STX5: variants seen among roughly 807,000 people sequenced by gnomAD.
STX5 encodes the protein syntaxin 5.
A neutral mutation model predicts 42.9 loss-of-function variants in STX5; 15 were observed. That is an observed-to-expected ratio of 0.35 (90% CI 0.23 to 0.54). The LOEUF is 0.54. Ranked by LOEUF, STX5 falls within the 20% of genes least tolerant of loss-of-function variation. The pLI, the probability that STX5 is intolerant of heterozygous loss-of-function variation, is 0.91. For missense variants in STX5, 430 were observed against 455.0 expected, an observed-to-expected ratio of 0.95 and a Z score of 0.50; for synonymous variants, 184 against 173.2, an observed-to-expected ratio of 1.06 and a Z score of -0.49.
rs553186835 is a variant in STX5 at position 62,819,355 on chromosome 11, T to C, written c.908+4811A>G. Among the ~76,000 whole-genome samples, 678 of 137,850 alleles carry C rather than the reference T, an allele frequency of 4.9e-3. 4 individuals carry two copies. The highest frequency in any genetic ancestry group is 0.018 in the African/African-American group (655 of 36,018). 90.4% of individuals were successfully genotyped at this position (137,850 alleles called of 152,430 possible). A position where few individuals can be genotyped will look rare whatever the true frequency, so the allele number is the denominator to read the frequency against. ...GAAATTGTTGTCAGCAGATCTCCAC[T>C]ACAAAAAAAAAACCAAAGGAAGTGC... On this transcript the variant is annotated intron_variant, in intron 10 of 10. Transcript: ENST00000294179.
At chr11:62,812,163 C>T (rs1355704506) in intron 10 of STX5, among the ~76,000 whole-genome samples, 4 of 150,476 alleles carry the variant, frequency 2.7e-5, no homozygotes, top group Non-Finnish European at 5.9e-5. Context: ...CAGCAACCTC[C>T]GCCTCCCGGG....
chr11:62,822,819 AACTG>A (rs758324108), intron 10 of STX5, among the ~76,000 whole-genome samples: 9 of 151,952 alleles, frequency 5.9e-5, no homozygotes, highest in African/African-American at 2.2e-4. Context: ...ATATTCCCAT[AACTG>A]ACTGACTGAA....
rs1159789542 is a variant in STX5, at chr11:62,831,043, G to A, written c.201C>T (p.Ala67=). The A allele has an allele frequency of 1.4e-5, 22 of 1,554,036 alleles. No individual in the cohort carries two copies. The highest frequency in any genetic ancestry group is 1.8e-5 in the Non-Finnish European group (21 of 1,149,232). Residue 67 remains alanine, a synonymous_variant, in exon 2 of 11, where the codon GCC becomes GCT. Coordinates refer to ENST00000294179, the MANE Select transcript of STX5 (RefSeq NM_003164.5). The part of the protein sequence containing the change: ...CRDRTQEFLS[A]CKSLQTRQNG... ...CCTGACGGGTCTGCAGCGACTTGCA[G>A]GCAGACAGAAACTCCTGGGTCCGAT...
At chr11:62,826,930 A>C (rs1400897323) in intron 5 of STX5, among the ~76,000 whole-genome samples, 1 of 151,554 alleles carries the variant, frequency 6.6e-6, no homozygotes, top group East Asian at 1.9e-4. Flanking sequence ...ATGTCCCTGT[A>C]GTCTCTACCA....
chr11:62,819,867 T>C (rs2084719483), intron 10 of STX5, among the ~76,000 whole-genome samples: 1 of 151,640 alleles, frequency 6.6e-6, no homozygotes, highest in Non-Finnish European at 1.5e-5. Context: ...CTATTTTTTT[T>C]TTTTTTGTAT....
intron 10 of STX5, among the ~76,000 whole-genome samples, chr11:62,813,093 CAA>C (rs371506460): frequency 3.3e-4 from 21 of 64,386 alleles, no homozygotes; most frequent in Admixed American, 7.2e-4. Context: ...GACTCCGTCT[CAA>C]AAAAAAAAAA....
intron 10 of STX5, among the ~76,000 whole-genome samples, chr11:62,811,845 C>T (rs1007029926): frequency 7.2e-5 from 11 of 151,992 alleles, no homozygotes; most frequent in African/African-American, 2.4e-4. Flanking sequence ...TTATGTCTCT[C>T]CTACTAGTGA....
At position 62,824,525 on chromosome 11, in the gene STX5, G is replaced by A; in HGVS notation, c.720C>T (p.Ser240=). The A allele has an allele frequency of 6.2e-7, 1 of 1,614,152 alleles. No individual in the cohort carries two copies. The highest frequency in any genetic ancestry group is 8.5e-7 in the Non-Finnish European group (1 of 1,180,016). ...AVVLGAESHA[S]KDVAIDMMDS... is the part of the protein sequence containing the mutation. ...CCATCATGTCGATGGCGACATCCTT[G>A]GAGGCATGGGACTCTGCCCCCAGAA... The change falls in exon 9 of 11, where the codon TCC becomes TCT. Residue 240 remains serine (S), a synonymous_variant. Transcript: ENST00000294179.
At chr11:62,811,431 G>T (rs2084615589) in intron 10 of STX5, among the ~76,000 whole-genome samples, 1 of 152,146 alleles carries the variant, frequency 6.6e-6, no homozygotes, top group African/African-American at 2.4e-5. Context: ...CAGGTTATCT[G>T]TGACCTGGCC....
At chr11:62,818,278 C>T (rs538319035) in intron 10 of STX5, among the ~76,000 whole-genome samples, 4 of 148,936 alleles carry the variant, frequency 2.7e-5, no homozygotes, top group African/African-American at 9.9e-5. Context: ...ATGATAGGGC[C>T]AGGTGCTGTG....
At chr11:62,823,068 T>G (rs1437297593) in intron 10 of STX5, among the ~76,000 whole-genome samples, 1 of 152,192 alleles carries the variant, frequency 6.6e-6, no homozygotes, top group Non-Finnish European at 1.5e-5. Context: ...TAGAACACTC[T>G]CTGTTCTTTG....
Position 62,807,403 on chromosome 11 carries a change from G to T in STX5, c.*66C>A. The T allele has an allele frequency of 6.3e-7, 1 of 1,578,410 alleles. No homozygotes were observed. Among genetic ancestry groups the T allele is most frequent in the South Asian group, 1.2e-5 (1 of 86,528 alleles). ...AGTACCCTGCACAGGCTCAGTGGCA[G>T]CACTGGCCACTTGCCTTCCCAGGAG... On this transcript the variant is annotated 3_prime_UTR_variant, in exon 11 of 11. Coordinates refer to ENST00000294179, the MANE Select transcript of STX5 (RefSeq NM_003164.5).
chr11:62,828,633 G>A (rs1461986863), intron 2 of STX5, among the ~76,000 whole-genome samples: 5 of 152,140 alleles, frequency 3.3e-5, no homozygotes, highest in Admixed American at 6.5e-5. Flanking sequence ...GGCTGAGGCC[G>A]GAGAATCACT....
At chr11:62,808,428 A>G (rs889862004) in intron 10 of STX5, among the ~76,000 whole-genome samples, 84 of 140,148 alleles carry the variant, frequency 6.0e-4, no homozygotes, top group African/African-American at 2.3e-3. Flanking sequence ...AGACTGCCTC[A>G]GGGGGAAAAA....
chr11:62,824,531 A>G lies in STX5; in HGVS notation c.714T>C (p.His238=), dbSNP rs778771701. The G allele has an allele frequency of 4.3e-6, 7 of 1,614,070 alleles. No individual in the cohort carries two copies. The highest frequency in any genetic ancestry group is 5.9e-6 in the Non-Finnish European group (7 of 1,180,020). The change falls in exon 9 of 11, where the codon CAT becomes CAC. Residue 238 remains histidine, a synonymous_variant. Coordinates refer to ENST00000294179, the MANE Select transcript of STX5 (RefSeq NM_003164.5). The stretch of plus-strand genomic sequence containing the variant: ...TGTCGATGGCGACATCCTTGGAGGC[A>G]TGGGACTCTGCCCCCAGAACCACAG... ...GGAVVLGAES[H]ASKDVAIDMM... is the part of the protein sequence containing the mutation.
intron 10 of STX5, among the ~76,000 whole-genome samples, chr11:62,822,545 C>T (rs1346509862): frequency 2.6e-5 from 4 of 152,124 alleles, no homozygotes; most frequent in African/African-American, 9.7e-5. Flanking sequence ...CATATTGTCA[C>T]CTGCGGGCCT....
At chr11:62,825,692 G>C (rs2084788441) in intron 5 of STX5, among the ~76,000 whole-genome samples, 153 bp from the exon 6 acceptor site, 1 of 152,214 alleles carries the variant, frequency 6.6e-6, no homozygotes, top group Non-Finnish European at 1.5e-5. Context: ...GGCCTGCTAG[G>C]ATTTTCCAAG....
intron 10 of STX5, among the ~76,000 whole-genome samples, chr11:62,818,812 C>A (rs1406553689): frequency 1.3e-5 from 2 of 151,370 alleles, no homozygotes; most frequent in African/African-American, 4.8e-5. Flanking sequence ...CCACTGCACT[C>A]CAGCATGGGC....
At chr11:62,831,908 C>T (rs999769686) in intron 1 of STX5, 46 bp downstream of exon 1, 1 of 457,752 alleles carries the variant, frequency 2.2e-6, no homozygotes, top group African/African-American at 2.0e-5. Flanking sequence ...AACCACTGCC[C>T]CAGAGCTGAC....
Sources: allele counts gnomAD v4.1 joint callset (sites outside exome capture counted in the v4.1 genomes callset), GRCh38; gene constraint gnomAD v4.1.1; transcripts MANE v1.5; gene names NCBI Gene and HGNC (gene_info 2026-07-23, HGNC 2026-07-21).